Variants in UGT1A8 observed in about 807,000 individuals in gnomAD.
UGT1A8 encodes the protein UDP-glucuronosyltransferase 1A8.
A neutral mutation model predicts 45.3 loss-of-function variants in UGT1A8; 39 were observed. That is an observed-to-expected ratio of 0.86 (90% CI 0.67 to 1.12). The LOEUF (loss-of-function observed/expected upper bound fraction) is 1.12, where lower values mean the gene tolerates loss of function less well. Among genes scored for constraint, UGT1A8 ranks in the 50% most tolerant of loss-of-function variants. UGT1A8 has a pLI of 0.00. For missense variants in UGT1A8, 719 were observed against 664.9 expected (o/e 1.08, Z -0.90); for synonymous variants, 275 against 249.2 (o/e 1.10, Z -0.97).
intron 1 of UGT1A8, chr2:233,690,982 A>G (rs1476120770): frequency 2.0e-6 from 2 of 996,858 alleles, no homozygotes; most frequent in Non-Finnish European, 2.4e-6. Context: ...CAGGACCCAC[A>G]TATGAGCAAC....
intron 1 of UGT1A8, among the ~76,000 whole-genome samples, chr2:233,646,940 T>A (rs1045210095): frequency 1.3e-5 from 2 of 152,224 alleles, no homozygotes; most frequent in Non-Finnish European, 2.9e-5. Flanking sequence ...GATAAAGACA[T>A]GCCTGAGACT....
At position 233,672,226 on chromosome 2, in the gene UGT1A8, T is replaced by C. The variant is rs1368031300; in HGVS notation, c.855+53664T>C. 3 of 1,614,100 alleles carry C rather than the reference T, an allele frequency of 1.9e-6. No homozygotes were observed. Among genetic ancestry groups the C allele is most frequent in the African/African-American group, 1.3e-5 (1 of 75,058 alleles). On this transcript the variant is annotated intron_variant, in intron 1 of 4. Transcript: ENST00000373450. ...GTTCAAGGCTTTTGCCCATGCTCAA[T>C]GGAAAGCACAAGTACGAAGTATATA...
intron 1 of UGT1A8, chr2:233,755,226 G>C: frequency 1.0e-6 from 1 of 975,544 alleles, no homozygotes; most frequent in South Asian, 1.3e-5. Flanking sequence ...ACCCTCGGAC[G>C]AGGCCTACCG....
At chr2:233,621,997 T>C (rs2073016553) in intron 1 of UGT1A8, among the ~76,000 whole-genome samples, 1 of 152,204 alleles carries the variant, frequency 6.6e-6, no homozygotes, top group Admixed American at 6.5e-5. Flanking sequence ...TTTCTGTCCT[T>C]GTGATAGTTT....
intron 1 of UGT1A8, chr2:233,729,594 C>G (rs1443112600): frequency 1.2e-6 from 2 of 1,613,988 alleles, no homozygotes; most frequent in African/African-American, 2.7e-5. Flanking sequence ...CCGTTAACCT[C>G]TGCGCGGCAG....
rs45488098 is a variant in UGT1A8, at chr2:233,674,892, T to C, written c.855+56330T>C. On this transcript the variant is annotated intron_variant, in intron 1 of 4. Coordinates refer to ENST00000373450, the MANE Select transcript of UGT1A8 (RefSeq NM_019076.5). ...CAGAAGGATGGACACTTCATATTGCTCCTTCCTTGTTTCAGATGCCAGGAT... is the reference window on the plus strand; with the variant it reads ...CAGAAGGATGGACACTTCATATTGCCCCTTCCTTGTTTCAGATGCCAGGAT... Among the ~76,000 whole-genome samples the C allele has an allele frequency of 2.2e-3, 331 of 152,322 alleles. 1 individual carries two copies. The highest frequency in any genetic ancestry group is 4.0e-3 in the Non-Finnish European group (271 of 68,022).
intron 1 of UGT1A8, among the ~76,000 whole-genome samples, chr2:233,736,696 G>T (rs2078794869): frequency 6.6e-6 from 1 of 152,182 alleles, no homozygotes. Flanking sequence ...TACAGATGGG[G>T]TTTTGGTGTA....
chr2:233,743,834 A>G lies in UGT1A8; in HGVS notation c.856-23200A>G, dbSNP rs1692538057. 1 of 1,366,970 alleles carries G rather than the reference A, an allele frequency of 7.3e-7. No homozygotes were observed. Among genetic ancestry groups the G allele is most frequent in the South Asian group, 1.1e-5 (1 of 88,054 alleles). The allele number at this position is 1,366,970 out of a possible 1,614,324, so 84.7% of individuals were successfully genotyped here. On this transcript the variant is annotated intron_variant, in intron 1 of 4. Coordinates refer to ENST00000373450, the MANE Select transcript of UGT1A8 (RefSeq NM_019076.5). ...AGGGTTTTTGTCGGGGTGCCACTTG[A>G]GCGCCAGCTTGCGGTACGCCTTCTT...
intron 1 of UGT1A8, chr2:233,753,360 G>C (rs1270331798): frequency 6.6e-6 from 1 of 152,184 alleles, no homozygotes; most frequent in Non-Finnish European, 1.5e-5. Flanking sequence ...TATTACTTGG[G>C]TGCCATTCCA....
chr2:233,744,852 T>C (rs17864703), intron 1 of UGT1A8, among the ~76,000 whole-genome samples: 15 of 152,070 alleles, frequency 9.9e-5, no homozygotes, highest in Non-Finnish European at 1.3e-4. Flanking sequence ...AGAGTAGTCC[T>C]TGGTATTCTG....
rs1105880 is a variant in UGT1A8, at chr2:233,693,319, A to G, written c.856-73715A>G. 0.35 allele frequency: 562,647 copies of G among 1,613,864 alleles called. 100,186 individuals are homozygous for G. Among genetic ancestry groups the G allele is most frequent in the South Asian group, 0.44 (40,333 of 91,054 alleles). Reference sequence around the variant, plus strand: ...ATCACTTTGCTGAGCGATCATTCCTAACTGCTCCTCAGACAGAGTACAGGA... The same window carrying G: ...ATCACTTTGCTGAGCGATCATTCCTGACTGCTCCTCAGACAGAGTACAGGA... On this transcript the variant is annotated intron_variant, in intron 1 of 4. Coordinates refer to ENST00000373450, the MANE Select transcript of UGT1A8 (RefSeq NM_019076.5).
At chr2:233,660,999 CT>C (rs1315658997) in intron 1 of UGT1A8, among the ~76,000 whole-genome samples, 3 of 151,990 alleles carry the variant, frequency 2.0e-5, no homozygotes, top group Non-Finnish European at 2.9e-5. Flanking sequence ...CATATAATGA[CT>C]TTGTTTTTCT....
At chr2:233,702,425 T>G (rs1292144360) in intron 1 of UGT1A8, among the ~76,000 whole-genome samples, 1 of 152,216 alleles carries the variant, frequency 6.6e-6, no homozygotes, top group East Asian at 1.9e-4. Flanking sequence ...GCGTTACTTC[T>G]TCCTTTCTAA....
chr2:233,766,905 T>C, intron 1 of UGT1A8, 129 bp from the exon 2 acceptor site: 15 of 1,501,130 alleles, frequency 1.0e-5, no homozygotes, highest in Non-Finnish European at 1.2e-5. Flanking sequence ...AATAATTTTT[T>C]ACTCTATCTC....
At chr2:233,757,220 A>C (rs1182388011) in intron 1 of UGT1A8, among the ~76,000 whole-genome samples, 1 of 147,936 alleles carries the variant, frequency 6.8e-6, no homozygotes, top group Non-Finnish European at 1.5e-5. Flanking sequence ...GCTGCTGACC[A>C]AGGTTCCAGA....
chr2:233,717,731 T>C (rs923613930), intron 1 of UGT1A8: 5 of 456,000 alleles, frequency 1.1e-5, no homozygotes, highest in Non-Finnish European at 2.2e-5. Context: ...GAGACCATTG[T>C]GAGTGCTCAG....
chr2:233,709,363 T>C (rs909070965), intron 1 of UGT1A8, among the ~76,000 whole-genome samples: 1 of 152,220 alleles, frequency 6.6e-6, no homozygotes, highest in Non-Finnish European at 1.5e-5. Flanking sequence ...TATAGATTTT[T>C]CTGTGTCCTA....
chr2:233,681,841 G>A lies in UGT1A8; in HGVS notation c.855+63279G>A, dbSNP rs575531809. 27 of 1,516,252 alleles carry A rather than the reference G, an allele frequency of 1.8e-5. No individual in the cohort carries two copies. In the African/African-American group the frequency reaches 2.4e-4, roughly 13 times the overall value. 93.9% of individuals were successfully genotyped at this position (1,516,252 alleles called of 1,614,324 possible). A position where few individuals can be genotyped will look rare whatever the true frequency, so the allele number is the denominator to read the frequency against. On this transcript the variant is annotated intron_variant, in intron 1 of 4. Coordinates refer to ENST00000373450, the MANE Select transcript of UGT1A8 (RefSeq NM_019076.5). ...TTTTTAAATGAATGAATAAGTACAC[G>A]CCTTCTTTTGAGGGCAGGTTCTATC...
At chr2:233,761,529 T>C (rs1208884408) in intron 1 of UGT1A8, among the ~76,000 whole-genome samples, 1 of 152,248 alleles carries the variant, frequency 6.6e-6, no homozygotes, top group Non-Finnish European at 1.5e-5. Flanking sequence ...TCAGGACTGA[T>C]GAAATCATTC....
Sources: gnomAD v4.1 joint callset for allele counts (sites outside exome capture counted in the v4.1 genomes callset) on GRCh38, gnomAD v4.1.1 for gene constraint, MANE v1.5 for transcripts, NCBI Gene and HGNC (gene_info 2026-07-23, HGNC 2026-07-21) for gene names.